PDE4C: variants seen among roughly 807,000 people sequenced by gnomAD.
The protein encoded by PDE4C is phosphodiesterase 4C, also known as 3',5'-cyclic-AMP phosphodiesterase 4C.
Under a neutral mutation model 63.9 loss-of-function variants are expected in PDE4C, and 50 were observed. The observed-to-expected ratio is 0.78, with a 90% CI of 0.62 to 0.99. The LOEUF (loss-of-function observed/expected upper bound fraction) is 0.99, where lower values mean the gene tolerates loss of function less well. Ranked by LOEUF, PDE4C falls within the 50% of genes least tolerant of loss-of-function variation. PDE4C has a pLI of 0.00. For missense variants in PDE4C, 777 were observed against 899.1 expected (o/e 0.86, Z 1.74); for synonymous variants, 377 against 385.1 (o/e 0.98, Z 0.25).
rs1035977160 is a variant in PDE4C, at chr19:18,224,611, G to T, written c.146+1659C>A. On this transcript the variant is annotated intron_variant, in intron 1 of 14. Transcript: ENST00000262805. The stretch of plus-strand genomic sequence containing the variant: ...GTTCGCCTAAGTCCGGTTACGCTCG[G>T]TCTGCTTCGAACAAGTCCGGGTGAC... 10 of 723,964 alleles carry T rather than the reference G, an allele frequency of 1.4e-5. No homozygotes were observed. The Admixed American group carries it at 3.1e-4, about 23-fold the overall frequency. 44.8% of individuals were successfully genotyped at this position (723,964 alleles called of 1,614,324 possible).
At chr19:18,223,812 C>T (rs1968599794) in intron 1 of PDE4C, among the ~76,000 whole-genome samples, 1 of 152,242 alleles carries the variant, frequency 6.6e-6, no homozygotes, top group Admixed American at 6.5e-5. Flanking sequence ...TTGGGCTCTT[C>T]TACCTGGAGG....
chr19:18,233,355 C>A (rs1160064501), exon 1 of PDE4C: 2 of 941,880 alleles, frequency 2.1e-6, no homozygotes, highest in Non-Finnish European at 3.3e-6. Context: ...GGAACTGGGG[C>A]TCAAGGTGGG....
intron 12 of PDE4C, among the ~76,000 whole-genome samples, chr19:18,215,394 C>T (rs752535621): frequency 9.9e-5 from 15 of 151,868 alleles, no homozygotes; most frequent in Non-Finnish European, 1.9e-4. Context: ...ACTGTCTTTG[C>T]ACAGATCAAG....
intron 1 of PDE4C, among the ~76,000 whole-genome samples, chr19:18,245,153 TGTTTG>T: frequency 8.3e-5 from 1 of 12,088 alleles, no homozygotes; most frequent in Middle Eastern, 0.045. Flanking sequence ...GTTTTTTGTT[TGTTTG>T]TTTGTTTGTT....
intron 1 of PDE4C, among the ~76,000 whole-genome samples, chr19:18,244,607 G>T: frequency 6.6e-6 from 1 of 152,040 alleles, no homozygotes; most frequent in East Asian, 1.9e-4. Context: ...CCGCCTCCTG[G>T]GTTCAAGCGA....
At chr19:18,211,073 T>C (rs757804674) in exon 15 of PDE4C, 35 of 1,614,098 alleles carry the variant, frequency 2.2e-5, no homozygotes, top group Non-Finnish European at 3.0e-5. Context: ...CCTCTTCCTC[T>C]GCCTCCTCCA....
chr19:18,251,989 T>A (rs190379672), upstream of PDE4C: 2 of 398,126 alleles, frequency 5.0e-6, no homozygotes, highest in Admixed American at 8.8e-5. Context: ...TACCTCCCCC[T>A]GGTGGTCAGT....
rs1357129607 is a variant in PDE4C, at chr19:18,220,385, C to T, written c.612+18G>A. 3 of 1,611,524 alleles carry T rather than the reference C, an allele frequency of 1.9e-6. No individual in the cohort carries two copies. Among genetic ancestry groups the T allele is most frequent in the African/African-American group, 1.3e-5 (1 of 74,970 alleles). ...CGTGGGCCGAGGCAGGTGAGCTCAG[C>T]GATCTGCCCCACCTCACCTTGTTGG... is the stretch of plus-strand genomic sequence containing the variant. On this transcript the variant is annotated intron_variant, in intron 6 of 14. Transcript: ENST00000262805. The surrounding 1 kb of genome is among the most constrained non-coding windows in gnomAD (Gnocchi z 5.1).
chr19:18,221,116 T>A, exon 4 of PDE4C: 1 of 1,345,402 alleles, frequency 7.4e-7, no homozygotes, highest in Non-Finnish European at 1.0e-6. Context: ...TGGCTGCTCC[T>A]AGGCATTGCT....
At position 18,212,079 on chromosome 19, in the gene PDE4C, G is replaced by T. The variant is rs1223855281; in HGVS notation, c.1513-138C>A. The T allele has an allele frequency of 5.8e-5, 46 of 790,778 alleles. No individual in the cohort carries two copies. In the East Asian group the frequency reaches 1.2e-3, roughly 20 times the overall value. 49.0% of individuals were successfully genotyped at this position (790,778 alleles called of 1,614,324 possible). On this transcript the variant is annotated intron_variant, in intron 13 of 14. Coordinates refer to ENST00000262805, the Ensembl canonical transcript of PDE4C. ...CTGAGGCCTGAGACCTGAAGAAATG[G>T]TTAAGGCACAGGCATGTGACTCTTG...
Position 18,213,496 on chromosome 19 carries a change from G to T in PDE4C, c.1390-6C>A. 1.2e-6 allele frequency: 2 copies of T among 1,609,758 alleles called. No homozygotes were observed. The highest frequency in any genetic ancestry group is 1.7e-6 in the Non-Finnish European group (2 of 1,177,436). On this transcript the variant is annotated splice_region_variant and splice_polypyrimidine_tract_variant and intron_variant, in intron 12 of 14. Transcript: ENST00000262805. Reference sequence around the variant, plus strand: ...GACATGTCTGTGGCCAGCACCTGGGGGCAGGCAAGGGAAGGTGACAGGCGC... The same window carrying T: ...GACATGTCTGTGGCCAGCACCTGGGTGCAGGCAAGGGAAGGTGACAGGCGC...
chr19:18,245,069 T>C (rs976313747), intron 1 of PDE4C, among the ~76,000 whole-genome samples: 26 of 152,070 alleles, frequency 1.7e-4, no homozygotes, highest in Admixed American at 5.2e-4. Context: ...TCTCTTGACC[T>C]CATGATCCGC....
rs1161508168 is a variant in PDE4C, at chr19:18,233,277, C to A, written c.-86G>T. Reference sequence around the variant, plus strand: ...GAGGAGCGTCTGCTCCCGGGTCCGGCCCAGGGCCGGGAGTGGAGGCGACAG... The same window carrying A: ...GAGGAGCGTCTGCTCCCGGGTCCGGACCAGGGCCGGGAGTGGAGGCGACAG... On this transcript the variant is annotated 5_prime_UTR_variant, in exon 1 of 15. Transcript: ENST00000594465. The A allele has an allele frequency of 2.6e-6, 4 of 1,528,414 alleles. No homozygotes were observed. The Admixed American group carries it at 7.9e-5, about 30-fold the overall frequency. The allele number at this position is 1,528,414 out of a possible 1,614,324, so 94.7% of individuals were successfully genotyped here. A position where few individuals can be genotyped will look rare whatever the true frequency, so the allele number is the denominator to read the frequency against.
At chr19:18,215,890 T>G (rs977768475) in intron 12 of PDE4C, among the ~76,000 whole-genome samples, 1 of 147,792 alleles carries the variant, frequency 6.8e-6, no homozygotes, top group Non-Finnish European at 1.5e-5. Context: ...AGTGCCGTGG[T>G]GCAATCTCCG....
chr19:18,216,645 G>A (rs558112977), intron 12 of PDE4C, 96 bp downstream of exon 12: 15 of 1,259,710 alleles, frequency 1.2e-5, no homozygotes, highest in East Asian at 2.4e-5. Flanking sequence ...ATGAACCGCC[G>A]GCCATGCCAA....
At chr19:18,231,154 G>A (rs1968839444), upstream of PDE4C, among the ~76,000 whole-genome samples, 1 of 152,246 alleles carries the variant, frequency 6.6e-6, no homozygotes. Context: ...CTTGAACTCA[G>A]TTTCGCTGGG....
upstream of PDE4C, among the ~76,000 whole-genome samples, chr19:18,252,654 G>C (rs988631526): frequency 4.7e-5 from 7 of 149,884 alleles, no homozygotes; most frequent in African/African-American, 1.7e-4. Flanking sequence ...GTCTCGCTCT[G>C]TCACCCAGGC....
intron 1 of PDE4C, among the ~76,000 whole-genome samples, chr19:18,245,512 C>T (rs984102339): frequency 5.9e-5 from 9 of 152,148 alleles, no homozygotes; most frequent in African/African-American, 2.2e-4. Context: ...ATGTGCTGTG[C>T]CATCTGCCGG....
chr19:18,211,217 G>A (rs769616784), exon 15 of PDE4C: 3 of 1,612,716 alleles, frequency 1.9e-6, no homozygotes, highest in Non-Finnish European at 8.5e-7. Context: ...GTGCATCTGG[G>A]TGGACCAGGT....
Sources: gnomAD v4.1 joint callset for allele counts (sites outside exome capture counted in the v4.1 genomes callset) on GRCh38, gnomAD v4.1.1 for gene constraint, Gnocchi (gnomAD v3.1) non-coding constraint, MANE v1.5 for transcripts, NCBI Gene and HGNC (gene_info 2026-07-23, HGNC 2026-07-21) for gene names.